Variants in MAN1C1 observed in about 807,000 individuals in gnomAD.
The protein encoded by MAN1C1 is mannosyl-oligosaccharide 1,2-alpha-mannosidase IC.
Under a neutral mutation model 71.5 loss-of-function variants are expected in MAN1C1, and 49 were observed. That is an observed-to-expected ratio of 0.69 (90% CI 0.54 to 0.87). MAN1C1 has a LOEUF of 0.87. MAN1C1 is among the 40% of genes least tolerant of loss of function. The pLI is 0.00. For missense variants in MAN1C1, 743 were observed against 835.0 expected, an observed-to-expected ratio of 0.89 and a Z score of 1.36; for synonymous variants, 352 against 343.7, an observed-to-expected ratio of 1.02 and a Z score of -0.27.
At chr1:25,651,842 G>A (rs1337230009) in intron 1 of MAN1C1, among the ~76,000 whole-genome samples, 2 of 152,244 alleles carry the variant, frequency 1.3e-5, no homozygotes, top group Admixed American at 6.5e-5. Context: ...CAGACTGATA[G>A]GTTGTAAGGT....
At chr1:25,708,176 A>G (rs1254181745) in intron 2 of MAN1C1, among the ~76,000 whole-genome samples, 2 of 152,204 alleles carry the variant, frequency 1.3e-5, no homozygotes, top group African/African-American at 4.8e-5. Flanking sequence ...ACTTACAGTT[A>G]TTTCTTGACC....
rs756349380 is a variant in MAN1C1, at chr1:25,753,438, C to CT, written c.835-45dup. On this transcript the variant is annotated intron_variant, in intron 4 of 11. Transcript: ENST00000374332. This position sits in a 1 kb window ranked among gnomAD's most constrained non-coding sequence, Gnocchi z 4.9. ...GCAGCAGTTCTGGGGTTGACCTTCC[C>CT]TCACCCAGCCTGGAGTCAAAAGCCC... 6.7e-7 allele frequency: 1 copy of CT among 1,496,448 alleles called. No homozygotes were observed. The highest frequency in any genetic ancestry group is 1.4e-5 in the African/African-American group (1 of 72,050). 92.7% of individuals were successfully genotyped at this position (1,496,448 alleles called of 1,614,324 possible). A position where few individuals can be genotyped will look rare whatever the true frequency, so the allele number is the denominator to read the frequency against.
At chr1:25,684,214 G>A (rs1041911470) in intron 1 of MAN1C1, among the ~76,000 whole-genome samples, 7 of 148,416 alleles carry the variant, frequency 4.7e-5, no homozygotes, top group African/African-American at 1.8e-4. Context: ...TCTCTCCCCC[G>A]ATACTGACTT....
intron 7 of MAN1C1, 87 bp from the exon 8 acceptor site, chr1:25,771,570 C>A: frequency 3.1e-6 from 3 of 983,220 alleles, no homozygotes; most frequent in Non-Finnish European, 1.6e-6. Flanking sequence ...GCACCGGGCC[C>A]CTGAGGTCAG....
At chr1:25,689,944 C>T (rs891300799) in intron 2 of MAN1C1, among the ~76,000 whole-genome samples, 2 of 152,218 alleles carry the variant, frequency 1.3e-5, no homozygotes, top group Non-Finnish European at 2.9e-5. Context: ...TGAGTTCACA[C>T]AGGTGCCTAG....
intron 2 of MAN1C1, among the ~76,000 whole-genome samples, chr1:25,733,817 T>C (rs1053945106): frequency 6.6e-6 from 1 of 152,118 alleles, no homozygotes; most frequent in African/African-American, 2.4e-5. Context: ...TATTTTTTTT[T>C]GAGACGGAGT....
intron 10 of MAN1C1, among the ~76,000 whole-genome samples, chr1:25,781,529 AC>A (rs926079239): frequency 3.4e-5 from 5 of 146,736 alleles, no homozygotes; most frequent in East Asian, 2.0e-4. Context: ...AGCCTGAGGG[AC>A]CCCCCCACCC....
intron 1 of MAN1C1, among the ~76,000 whole-genome samples, chr1:25,623,454 TGG>T (rs3835658): frequency 0.16 from 24,543 of 149,334 alleles, 4,958 homozygotes; most frequent in African/African-American, 0.47. Flanking sequence ...TTAGTGGTGG[TGG>T]GGGGGGGTAA....
chr1:25,749,484 C>T (rs1459649320), intron 4 of MAN1C1, 149 bp downstream of exon 4: 1 of 587,666 alleles, frequency 1.7e-6, no homozygotes, highest in East Asian at 3.0e-5. Context: ...CCCTGAGGGC[C>T]TGTTTTCCCT....
At chr1:25,625,748 G>A (rs879649605) in intron 1 of MAN1C1, among the ~76,000 whole-genome samples, 1 of 152,132 alleles carries the variant, frequency 6.6e-6, no homozygotes, top group Non-Finnish European at 1.5e-5. Flanking sequence ...TTGAGCCCAG[G>A]AGTCTGAAGC....
chr1:25,693,954 A>T (rs1458761825), intron 2 of MAN1C1, among the ~76,000 whole-genome samples: 1 of 152,254 alleles, frequency 6.6e-6, no homozygotes, highest in Non-Finnish European at 1.5e-5. Flanking sequence ...CTGCCCATAT[A>T]CATTCATAAA....
chr1:25,697,933 C>G (rs1419124429), intron 2 of MAN1C1, among the ~76,000 whole-genome samples: 1 of 152,178 alleles, frequency 6.6e-6, no homozygotes, highest in Non-Finnish European at 1.5e-5. Flanking sequence ...TGAATGCTGC[C>G]TCTCTCATCA....
At chr1:25,766,337 G>GT (rs2047426196) in intron 7 of MAN1C1, among the ~76,000 whole-genome samples, 1 of 151,792 alleles carries the variant, frequency 6.6e-6, no homozygotes, top group Admixed American at 6.6e-5. Context: ...GTTTCCTGTG[G>GT]TTTTTTGTTG....
chr1:25,656,093 G>GTTTTTTTT (rs1557751359), intron 1 of MAN1C1, among the ~76,000 whole-genome samples: 4 of 79,896 alleles, frequency 5.0e-5, no homozygotes, highest in African/African-American at 4.3e-4. Context: ...GGGATTATCA[G>GTTTTTTTT]TCTTTTTTTT....
At chr1:25,620,700 T>TA (rs774331338) in intron 1 of MAN1C1, among the ~76,000 whole-genome samples, 19 of 152,054 alleles carry the variant, frequency 1.2e-4, no homozygotes, top group Non-Finnish European at 2.1e-4. Context: ...TGGCATCAGA[T>TA]AAAAAAAGGC....
chr1:25,738,463 T>C (rs564906030), intron 2 of MAN1C1, among the ~76,000 whole-genome samples: 7 of 152,364 alleles, frequency 4.6e-5, no homozygotes, highest in Non-Finnish European at 8.8e-5. Flanking sequence ...CCAGTTGCTA[T>C]TGCTACATTG....
intron 2 of MAN1C1, among the ~76,000 whole-genome samples, chr1:25,694,220 T>G (rs997795614): frequency 6.6e-6 from 1 of 152,072 alleles, no homozygotes; most frequent in Non-Finnish European, 1.5e-5. Context: ...CGTCACAGAG[T>G]ACACTCCGAA....
chr1:25,757,650 T>C lies in MAN1C1; in HGVS notation c.930-942T>C, dbSNP rs1040887315. Among the ~76,000 whole-genome samples, 17 of 152,180 alleles carry C rather than the reference T, an allele frequency of 1.1e-4. No individual in the cohort carries two copies. The East Asian group carries it at 2.7e-3, about 24-fold the overall frequency. ...TCTTACGGATGCAGGCACGGAGGCA[T>C]GCGAGGATTAAGTGGTTTGCCCGAG... On this transcript the variant is annotated intron_variant, in intron 5 of 11. Coordinates refer to ENST00000374332, the MANE Select transcript of MAN1C1 (RefSeq NM_020379.4).
intron 2 of MAN1C1, among the ~76,000 whole-genome samples, chr1:25,695,811 C>T (rs2046362427): frequency 6.6e-6 from 1 of 152,252 alleles, no homozygotes; most frequent in South Asian, 2.1e-4. Context: ...TGTCCCCGCT[C>T]TGGCGCCAGC....
Sources: allele counts gnomAD v4.1 joint callset (sites outside exome capture counted in the v4.1 genomes callset), GRCh38; gene constraint gnomAD v4.1.1; non-coding constraint Gnocchi (gnomAD v3.1); transcripts MANE v1.5; gene names NCBI Gene and HGNC (gene_info 2026-07-23, HGNC 2026-07-21).